Variants in OAS1 observed in about 807,000 individuals in gnomAD.
The protein encoded by OAS1 is 2'-5'-oligoadenylate synthase 1.
Under a neutral mutation model 38.5 loss-of-function variants are expected in OAS1, and 24 were observed. That is an observed-to-expected ratio of 0.62 (90% CI 0.45 to 0.88). The LOEUF (loss-of-function observed/expected upper bound fraction) is 0.88, where lower values mean the gene tolerates loss of function less well. OAS1 is among the 40% of genes least tolerant of loss of function. The pLI, the probability that OAS1 is intolerant of heterozygous loss-of-function variation, is 0.00. For missense variants in OAS1, 482 were observed against 493.9 expected (o/e 0.98, Z 0.23); for synonymous variants, 169 against 193.9 (o/e 0.87, Z 1.07).
chr12:112,908,484 A>G (rs1273324284), intron 1 of OAS1, 52 bp from the exon 2 acceptor site: 3 of 1,544,384 alleles, frequency 1.9e-6, no homozygotes, highest in Non-Finnish European at 2.6e-6. Flanking sequence ...CATTTTATTT[A>G]GGGAGGTTTG....
intron 6 of OAS1, among the ~76,000 whole-genome samples, chr12:112,927,731 C>T (rs943895456): frequency 1.3e-5 from 2 of 152,162 alleles, no homozygotes; most frequent in Non-Finnish European, 2.9e-5. Context: ...GTGTCTTTTT[C>T]ACTTATATCA....
In OAS1 at chr12:112,911,045, G is replaced by A. The variant is rs146375694; in HGVS notation, c.470-6G>A. 8.5e-4 allele frequency: 1,372 copies of A among 1,611,964 alleles called. 12 individuals carry two copies. In the East Asian group the frequency reaches 0.013, roughly 16 times the overall value. On this transcript the variant is annotated splice_polypyrimidine_tract_variant and splice_region_variant and intron_variant, in intron 2 of 5. Transcript: ENST00000202917. ...GACACCTAAGTTGTAGATTTTGCCC[G>A]AACAGGTCAGTTGACTGGCGGCTAT...
At position 112,916,509 on chromosome 12, in the gene OAS1, T is replaced by C. The variant is rs1251530149; in HGVS notation, c.655T>C (p.Cys219Arg). The change falls in exon 4 of 6, where the codon TGT becomes CGT. Residue 219 changes from cysteine (C) to arginine (R), a missense_variant and splice_region_variant. Transcript: ENST00000202917. ...TTCTGATTGTTTTTCCTCTTCTCAG[T>C]GTAAGAAGAAGCTTGGGAAGCTGCC... ...IRLVKHWYQN[C>R]KKKLGKLPPQ... is the part of the protein sequence containing the mutation. 1.2e-6 allele frequency: 2 copies of C among 1,611,138 alleles called. No homozygotes were observed. The highest frequency in any genetic ancestry group is 1.7e-6 in the Non-Finnish European group (2 of 1,177,312).
At chr12:112,926,070 T>C (rs550405752) in intron 6 of OAS1, among the ~76,000 whole-genome samples, 2 of 152,076 alleles carry the variant, frequency 1.3e-5, no homozygotes, top group African/African-American at 4.8e-5. Flanking sequence ...TTATGAGAGG[T>C]CCAATCAATA....
At chr12:112,917,441 A>T (rs1225982558) in intron 4 of OAS1, 106 bp from the exon 5 acceptor site, 1 of 1,463,246 alleles carries the variant, frequency 6.8e-7, no homozygotes, top group African/African-American at 1.4e-5. Flanking sequence ...TCATGTTCTG[A>T]GTCCCAGTTC....
At chr12:112,921,894 A>G (rs143898850), downstream of OAS1, among the ~76,000 whole-genome samples, 362 of 152,252 alleles carry the variant, frequency 2.4e-3, no homozygotes, top group African/African-American at 8.4e-3. Context: ...CCTCAGGCCA[A>G]TGTCGGGTAG....
rs367735639 is a variant in OAS1 at position 112,917,470 on chromosome 12, G to T, written c.885-77G>T. 6.2e-5 allele frequency: 98 copies of T among 1,579,676 alleles called. 1 individual carries two copies. In the South Asian group the frequency reaches 7.4e-4, roughly 12 times the overall value. On this transcript the variant is annotated intron_variant, in intron 4 of 5. Coordinates refer to ENST00000202917, the MANE Select transcript of OAS1 (RefSeq NM_016816.4). ...CCAGTTCATCCCATGCTGCTATTTT[G>T]CTCTCCCAGGAGCATCTGGACTCCC...
downstream of OAS1, among the ~76,000 whole-genome samples, chr12:112,920,130 A>G (rs2043520261): frequency 6.6e-6 from 1 of 152,186 alleles, no homozygotes; most frequent in Non-Finnish European, 1.5e-5. Context: ...TTTTTAAATA[A>G]AAAAATCCCT....
chr12:112,932,954 G>A (rs1593169192), downstream of OAS1: 1 of 152,200 alleles, frequency 6.6e-6, no homozygotes, highest in African/African-American at 2.4e-5. Context: ...GCTTCTCTGA[G>A]CCTCAGTTTC....
chr12:112,921,771 A>G (rs2043530839), downstream of OAS1, among the ~76,000 whole-genome samples: 1 of 152,242 alleles, frequency 6.6e-6, no homozygotes, highest in East Asian at 1.9e-4. Flanking sequence ...TAATTTCTGT[A>G]CTTCCCTGGC....
rs112543402 is a variant in OAS1 at position 112,919,858 on chromosome 12, A to T, written c.*305A>T. 5.8e-4 allele frequency: 495 copies of T among 847,872 alleles called. 3 individuals carry two copies. The African/African-American group carries it at 7.7e-3, about 13-fold the overall frequency. The allele number at this position is 847,872 out of a possible 1,614,324, so 52.5% of individuals were successfully genotyped here. On this transcript the variant is annotated 3_prime_UTR_variant, in exon 6 of 6. Coordinates refer to ENST00000202917, the MANE Select transcript of OAS1 (RefSeq NM_016816.4). ...TCTTCTGTGCACCTGATGGGAGGGT[A>T]ATGTCTAATGTATTATCAATAACAA...
rs139994244 is a variant in OAS1, at chr12:112,928,063, C to T, written c.1168-3815C>T. Among the ~76,000 whole-genome samples the T allele has an allele frequency of 4.8e-3, 738 of 152,290 alleles. 5 individuals carry two copies. The highest frequency in any genetic ancestry group is 0.016 in the African/African-American group (671 of 41,542). ...AACTCAGGATCACTGCATAAAGTGA[C>T]GTATTAAGCCTAGTGCCAGGATCTT... On this transcript the variant is annotated intron_variant, in intron 6 of 6. Coordinates refer to the OAS1 transcript ENST00000540589.
intron 2 of OAS1, among the ~76,000 whole-genome samples, chr12:112,909,631 C>T (rs946879780): frequency 6.6e-6 from 1 of 152,194 alleles, no homozygotes. Flanking sequence ...TACCACTGCA[C>T]TCCATCCTAG....
intron 3 of OAS1, among the ~76,000 whole-genome samples, chr12:112,915,945 G>T (rs905993743): frequency 1.3e-5 from 2 of 152,142 alleles, no homozygotes; most frequent in African/African-American, 4.8e-5. Flanking sequence ...TTGTGTGCCT[G>T]GTTACATATG....
At chr12:112,910,292 C>A (rs527595652) in intron 2 of OAS1, among the ~76,000 whole-genome samples, 4 of 152,056 alleles carry the variant, frequency 2.6e-5, no homozygotes, top group Admixed American at 2.0e-4. Flanking sequence ...TGCTTGAACC[C>A]AGGAGATGGA....
chr12:112,917,944 A>C (rs3177977), intron 5 of OAS1: 1 of 1,421,696 alleles, frequency 7.0e-7, no homozygotes, highest in Non-Finnish European at 9.2e-7. Context: ...AATCTCTAAC[A>C]CCATTTATTG....
intron 3 of OAS1, among the ~76,000 whole-genome samples, chr12:112,915,366 T>G (rs2043441419): frequency 6.6e-6 from 1 of 152,236 alleles, no homozygotes; most frequent in Non-Finnish European, 1.5e-5. Context: ...GACCATTTGT[T>G]GAATAGGGTG....
intron 5 of OAS1, chr12:112,918,969 G>A (rs957840385): frequency 3.9e-6 from 1 of 253,998 alleles, no homozygotes; most frequent in Non-Finnish European, 7.9e-6. Context: ...GGGAAAGGGG[G>A]GAAGAAAGGA....
chr12:112,908,562 C>A lies in OAS1; in HGVS notation c.207C>A (p.Thr69=), dbSNP rs764110821. ...GTGGCTCCTCAGGCAAGGGCACCAC[C>A]CTCAGAGGCCGATCTGACGCTGACC... The part of the protein sequence containing the change: ...VKGGSSGKGT[T]LRGRSDADLV... Residue 69 remains threonine, a synonymous_variant, in exon 2 of 6, where the codon ACC becomes ACA. Coordinates refer to ENST00000202917, the MANE Select transcript of OAS1 (RefSeq NM_016816.4). The A allele has an allele frequency of 5.6e-6, 9 of 1,613,770 alleles. No homozygotes were observed. The East Asian group carries it at 1.6e-4, about 28-fold the overall frequency.
Sources: allele counts gnomAD v4.1 joint callset (sites outside exome capture counted in the v4.1 genomes callset), GRCh38; gene constraint gnomAD v4.1.1; transcripts MANE v1.5; gene names NCBI Gene and HGNC (gene_info 2026-07-23, HGNC 2026-07-21).